The following CFAP299 variants were observed in gnomAD, a reference collection of about 807,000 sequenced individuals.
CFAP299 encodes the protein cilia and flagella associated protein 299.
Under a neutral mutation model 27.0 loss-of-function variants are expected in CFAP299, and 21 were observed. The ratio of observed to expected loss-of-function variants is 0.78; its 90% CI spans 0.55 to 1.12. The LOEUF (loss-of-function observed/expected upper bound fraction) is 1.12. Among genes scored for constraint, CFAP299 ranks in the 50% most tolerant of loss-of-function variants. CFAP299 has a pLI of 0.00. For missense variants in CFAP299, 310 were observed against 276.6 expected (o/e 1.12, Z -0.86); for synonymous variants, 104 against 98.1 (o/e 1.06, Z -0.36).
intron 2 of CFAP299, among the ~76,000 whole-genome samples, chr4:80,562,657 CAAT>C (rs144281838): frequency 0.18 from 25,141 of 140,700 alleles, 2,554 homozygotes; most frequent in East Asian, 0.36. Context: ...GACTCAATTT[CAAT>C]AATAATAATA....
intron 3 of CFAP299, among the ~76,000 whole-genome samples, chr4:80,841,283 C>T (rs1730848925): frequency 6.6e-6 from 1 of 152,088 alleles, no homozygotes; most frequent in Non-Finnish European, 1.5e-5. Flanking sequence ...CCTATGGTCT[C>T]ACTGGTAATA....
rs568325197 is a variant in CFAP299, at chr4:80,611,147, G to A, written c.333+27964G>A. 8.6e-5 allele frequency among the ~76,000 whole-genome samples: 13 copies of A among 152,018 alleles called. No homozygotes were observed. The South Asian group carries it at 2.3e-3, about 27-fold the overall frequency. On this transcript the variant is annotated intron_variant, in intron 3 of 5. Transcript: ENST00000358105. Reference sequence around the variant, plus strand: ...TTTAAAGTCATGGCCTTTCAAGTAGGGGTGAAATTACACCTGTCAGTAATA... The same window carrying A: ...TTTAAAGTCATGGCCTTTCAAGTAGAGGTGAAATTACACCTGTCAGTAATA...
intron 2 of CFAP299, among the ~76,000 whole-genome samples, chr4:80,559,676 G>A (rs900908000): frequency 1.3e-5 from 2 of 152,140 alleles, no homozygotes; most frequent in Non-Finnish European, 2.9e-5. Context: ...GGGGGAGAGA[G>A]AACACTGCAA....
chr4:80,854,136 C>T (rs982457386), intron 3 of CFAP299, among the ~76,000 whole-genome samples: 1 of 152,112 alleles, frequency 6.6e-6, no homozygotes, highest in African/African-American at 2.4e-5. Context: ...TGAGAATACA[C>T]AGTGTCAGTG....
chr4:80,577,397 A>ATTTTTTT (rs34922224), intron 2 of CFAP299, among the ~76,000 whole-genome samples: 50 of 98,846 alleles, frequency 5.1e-4, no homozygotes, highest in African/African-American at 6.6e-4. Context: ...ATTAGAAAAC[A>ATTTTTTT]TTTTTTTTTT....
intron 3 of CFAP299, among the ~76,000 whole-genome samples, chr4:80,585,750 G>A (rs1472307681): frequency 2.0e-5 from 3 of 152,162 alleles, no homozygotes; most frequent in African/African-American, 7.2e-5. Context: ...GATAGGGAAT[G>A]ATATATAAGA....
intron 3 of CFAP299, among the ~76,000 whole-genome samples, chr4:80,728,551 T>G (rs777302818): frequency 1.3e-5 from 2 of 152,230 alleles, no homozygotes; most frequent in Non-Finnish European, 2.9e-5. Flanking sequence ...TTCTTCTATA[T>G]TCCCAAAATA....
At chr4:80,909,792 A>G (rs1365510244) in intron 4 of CFAP299, among the ~76,000 whole-genome samples, 2 of 152,136 alleles carry the variant, frequency 1.3e-5, no homozygotes, top group Non-Finnish European at 2.9e-5. Flanking sequence ...GTTAATGTAA[A>G]ATACAGAAAG....
At chr4:80,509,121 T>C (rs988809542) in intron 2 of CFAP299, among the ~76,000 whole-genome samples, 4 of 152,160 alleles carry the variant, frequency 2.6e-5, no homozygotes, top group African/African-American at 9.7e-5. Flanking sequence ...AACCACAGGA[T>C]ATAGTGTGGT....
At position 80,530,426 on chromosome 4, in the gene CFAP299, G is replaced by A. The variant is rs1733407841; in HGVS notation, c.243-52667G>A. 2.0e-5 allele frequency among the ~76,000 whole-genome samples: 3 copies of A among 152,074 alleles called. No homozygotes were observed. In the South Asian group the frequency reaches 6.2e-4, roughly 32 times the overall value. ...TTCTGGACAGTATCAAAAAAGTTAT[G>A]CAGTTATGCTACAAGCCATTTTATT... On this transcript the variant is annotated intron_variant, in intron 2 of 5. Transcript: ENST00000358105.
chr4:80,683,567 A>G (rs1719984048), intron 3 of CFAP299, among the ~76,000 whole-genome samples: 1 of 152,116 alleles, frequency 6.6e-6, no homozygotes, highest in South Asian at 2.1e-4. Context: ...TATCTCTTGC[A>G]CATATTTATT....
At chr4:80,343,561 G>A (rs1056325727) in intron 1 of CFAP299, among the ~76,000 whole-genome samples, 9 of 152,044 alleles carry the variant, frequency 5.9e-5, no homozygotes, top group African/African-American at 9.7e-5. Flanking sequence ...AGGCCGAGGC[G>A]GGTGGATCAT....
At chr4:80,667,225 G>A (rs1156245649) in intron 3 of CFAP299, among the ~76,000 whole-genome samples, 2 of 152,032 alleles carry the variant, frequency 1.3e-5, no homozygotes, top group Non-Finnish European at 2.9e-5. Context: ...CTACAAAGAT[G>A]TACATATTCT....
chr4:80,736,183 T>A (rs1414226086), intron 3 of CFAP299, among the ~76,000 whole-genome samples: 2 of 152,186 alleles, frequency 1.3e-5, no homozygotes, highest in East Asian at 1.9e-4. Flanking sequence ...TGGTAATGCC[T>A]AGGTTTTCCT....
At chr4:80,741,615 A>G (rs1391390888) in intron 3 of CFAP299, among the ~76,000 whole-genome samples, 1 of 152,082 alleles carries the variant, frequency 6.6e-6, no homozygotes, top group Non-Finnish European at 1.5e-5. Context: ...AGAAGGAAGG[A>G]GTCACTTTAA....
At chr4:80,892,728 T>C (rs1734370771) in intron 4 of CFAP299, among the ~76,000 whole-genome samples, 1 of 152,094 alleles carries the variant, frequency 6.6e-6, no homozygotes, top group Admixed American at 6.6e-5. Flanking sequence ...AAGGAATATA[T>C]CTCAACATAA....
intron 2 of CFAP299, among the ~76,000 whole-genome samples, chr4:80,579,308 C>A (rs1736048379): frequency 6.6e-6 from 1 of 152,200 alleles, no homozygotes; most frequent in African/African-American, 2.4e-5. Context: ...ATCATTTTCA[C>A]TTGGCTCTTA....
upstream of CFAP299, among the ~76,000 whole-genome samples, chr4:80,332,933 G>C (rs1347744769): frequency 6.6e-6 from 1 of 152,130 alleles, no homozygotes; most frequent in Non-Finnish European, 1.5e-5. Context: ...GAGCCACAGA[G>C]AGCCCAAGTT....
chr4:80,359,417 A>C (rs1723435485), intron 1 of CFAP299, among the ~76,000 whole-genome samples: 1 of 152,162 alleles, frequency 6.6e-6, no homozygotes, highest in Non-Finnish European at 1.5e-5. Flanking sequence ...TACATTTTCC[A>C]AGTTGCTTCC....
Sources: allele counts gnomAD v4.1 joint callset (sites outside exome capture counted in the v4.1 genomes callset), GRCh38; gene constraint gnomAD v4.1.1; transcripts MANE v1.5; gene names NCBI Gene and HGNC (gene_info 2026-07-23, HGNC 2026-07-21).